Variants in DLGAP2 observed in about 807,000 individuals in gnomAD.
DLGAP2 encodes disks large-associated protein 2.
DLGAP2 carries 26 observed loss-of-function variants against 100.3 expected under a neutral mutation model. That is an observed-to-expected ratio of 0.26 (90% CI 0.19 to 0.36). DLGAP2 has a LOEUF of 0.36. Ranked by LOEUF, DLGAP2 falls within the 10% of genes least tolerant of loss-of-function variation. The probability of loss-of-function intolerance (pLI) is 1.00; values close to 1 mark genes in which losing one functional copy is unlikely to be tolerated. For missense variants in DLGAP2, 1,858 were observed against 1,453.2 expected (o/e 1.28, Z -4.53); for synonymous variants, 886 against 630.1 (o/e 1.41, Z -6.08).
At chr8:1,073,162 C>T (rs1425910562) in intron 2 of DLGAP2, among the ~76,000 whole-genome samples, 1 of 152,174 alleles carries the variant, frequency 6.6e-6, no homozygotes, top group Non-Finnish European at 1.5e-5. Context: ...CTTCCACCTT[C>T]TAAAATCATT....
At chr8:837,617 C>T (rs930275502) in intron 1 of DLGAP2, among the ~76,000 whole-genome samples, 169 of 151,732 alleles carry the variant, frequency 1.1e-3, no homozygotes, top group Non-Finnish European at 3.5e-4. Flanking sequence ...CCTGGCTTCC[C>T]AGGCTGGCTG....
chr8:1,485,299 C>T (rs73172568), intron 3 of DLGAP2, among the ~76,000 whole-genome samples: 6,501 of 152,226 alleles, frequency 0.043, 179 homozygotes, highest in Non-Finnish European at 0.067. Flanking sequence ...TAATGAATTG[C>T]AGATTTTTTC....
chr8:1,287,741 G>C (rs1253199533), intron 3 of DLGAP2, among the ~76,000 whole-genome samples: 1 of 97,456 alleles, frequency 1.0e-5, no homozygotes. Flanking sequence ...GGTTCTGTTA[G>C]GGGAACTAGT....
rs1796937518 is a variant in DLGAP2, at chr8:1,609,847, A to C, written c.1443-16893A>C. Among the ~76,000 whole-genome samples the C allele has an allele frequency of 2.7e-5, 4 of 149,042 alleles. No individual in the cohort carries two copies. In the South Asian group the frequency reaches 8.8e-4, roughly 33 times the overall value. On this transcript the variant is annotated intron_variant, in intron 6 of 14. Coordinates refer to ENST00000637795, the MANE Select transcript of DLGAP2 (RefSeq NM_001346810.2). Reference sequence around the variant, plus strand: ...CAACAAGAGGAGCTAACTATCCTAAATATATATGCACCCAATACGGGAGCA... The same window carrying C: ...CAACAAGAGGAGCTAACTATCCTAACTATATATGCACCCAATACGGGAGCA...
chr8:919,363 T>G (rs902861368), intron 2 of DLGAP2, among the ~76,000 whole-genome samples: 3 of 152,150 alleles, frequency 2.0e-5, no homozygotes, highest in African/African-American at 7.2e-5. Flanking sequence ...TGCTTTCTGA[T>G]GTTCTCAGTC....
intron 1 of DLGAP2, among the ~76,000 whole-genome samples, chr8:799,405 G>A (rs1796101823): frequency 6.6e-6 from 1 of 152,108 alleles, no homozygotes; most frequent in Non-Finnish European, 1.5e-5. Flanking sequence ...GGTGGGAGGT[G>A]GCCGTACCAG....
intron 1 of DLGAP2, among the ~76,000 whole-genome samples, chr8:846,217 A>G (rs1563060666): frequency 1.3e-5 from 2 of 152,194 alleles, no homozygotes; most frequent in Admixed American, 6.5e-5. Context: ...CCACTGTGCA[A>G]CAGACCACCA....
intron 2 of DLGAP2, among the ~76,000 whole-genome samples, chr8:959,944 C>A (rs1207023618): frequency 1.3e-5 from 2 of 152,008 alleles, no homozygotes; most frequent in East Asian, 3.9e-4. Context: ...GAAAGGAATA[C>A]TGAAAAAAGA....
chr8:1,091,623 T>C (rs1013124721), intron 2 of DLGAP2, among the ~76,000 whole-genome samples: 9 of 152,174 alleles, frequency 5.9e-5, no homozygotes, highest in Non-Finnish European at 1.2e-4. Context: ...GCTGTCATTA[T>C]CTCTGTGTTA....
chr8:1,623,982 A>G (rs1286507212), intron 6 of DLGAP2, among the ~76,000 whole-genome samples: 4 of 152,224 alleles, frequency 2.6e-5, no homozygotes, highest in Non-Finnish European at 4.4e-5. Context: ...CACAAAATAC[A>G]TGGATCCACC....
intron 2 of DLGAP2, among the ~76,000 whole-genome samples, chr8:913,780 A>T (rs536648249): frequency 6.6e-6 from 1 of 152,374 alleles, no homozygotes; most frequent in South Asian, 2.1e-4. Context: ...ATGTGATACT[A>T]TATGACCCTG....
intron 3 of DLGAP2, among the ~76,000 whole-genome samples, chr8:1,287,652 G>GTA (rs1554434847): frequency 7.4e-6 from 1 of 135,996 alleles, no homozygotes; most frequent in Admixed American, 7.4e-5. Flanking sequence ...GTGTGTGTGT[G>GTA]TGTGTGTATG....
Position 1,315,041 on chromosome 8 carries a change from C to T in DLGAP2, c.106+56158C>T, listed in dbSNP as rs569893593. On this transcript the variant is annotated intron_variant, in intron 3 of 14. Transcript: ENST00000637795. ...GGACTTCCAGAACACCGCTCCGTGG[C>T]GGTGGTTTTCTAAGTGACGCTTTTT... 2.0e-4 allele frequency among the ~76,000 whole-genome samples: 31 copies of T among 152,300 alleles called. 1 individual carries two copies. The highest frequency in any genetic ancestry group is 1.5e-3 in the South Asian group (7 of 4,824).
chr8:1,528,694 A>C (rs986985972), intron 4 of DLGAP2, among the ~76,000 whole-genome samples: 1 of 152,180 alleles, frequency 6.6e-6, no homozygotes, highest in East Asian at 1.9e-4. Flanking sequence ...TGAGTGGGTG[A>C]CCAGATGACC....
intron 3 of DLGAP2, among the ~76,000 whole-genome samples, chr8:1,495,174 G>A (rs770828295): frequency 4.6e-5 from 7 of 152,160 alleles, no homozygotes; most frequent in Non-Finnish European, 8.8e-5. Flanking sequence ...TGGGTTCATC[G>A]TGTCGTCTTC....
At chr8:1,586,528 C>G (rs1796125407) in intron 6 of DLGAP2, among the ~76,000 whole-genome samples, 1 of 152,222 alleles carries the variant, frequency 6.6e-6, no homozygotes, top group Non-Finnish European at 1.5e-5. Context: ...TCAGGAGATT[C>G]TCACTACCCC....
At chr8:1,175,270 A>G (rs1208126812) in intron 2 of DLGAP2, among the ~76,000 whole-genome samples, 1 of 152,126 alleles carries the variant, frequency 6.6e-6, no homozygotes, top group Non-Finnish European at 1.5e-5. Context: ...GAAGTGTGTT[A>G]AATTTAGCCC....
chr8:1,206,460 T>C (rs369346937), intron 2 of DLGAP2, among the ~76,000 whole-genome samples: 2 of 106,368 alleles, frequency 1.9e-5, no homozygotes, highest in Admixed American at 2.1e-4. Flanking sequence ...GGGTAGACTG[T>C]GAGTGGTTAA....
intron 3 of DLGAP2, among the ~76,000 whole-genome samples, chr8:1,307,783 G>A (rs1800524096): frequency 6.6e-6 from 1 of 152,188 alleles, no homozygotes; most frequent in Non-Finnish European, 1.5e-5. Flanking sequence ...GAGAGTGACT[G>A]TGATTCCCCT....
Sources: allele counts gnomAD v4.1 joint callset (sites outside exome capture counted in the v4.1 genomes callset), GRCh38; gene constraint gnomAD v4.1.1; transcripts MANE v1.5; gene names NCBI Gene and HGNC (gene_info 2026-07-23, HGNC 2026-07-21).